The following SRGAP2 variants were observed in gnomAD, a reference collection of about 807,000 sequenced individuals.
SRGAP2 encodes SLIT-ROBO Rho GTPase-activating protein 2.
A neutral mutation model predicts 57.2 loss-of-function variants in SRGAP2; 15 were observed. The ratio of observed to expected loss-of-function variants is 0.26; its 90% CI spans 0.18 to 0.40. The LOEUF (loss-of-function observed/expected upper bound fraction) is 0.40, where lower values mean the gene tolerates loss of function less well. Ranked by LOEUF, SRGAP2 falls within the 10% of genes least tolerant of loss-of-function variation. The probability of loss-of-function intolerance (pLI) is 1.00; values close to 1 mark genes in which losing one functional copy is unlikely to be tolerated. For synonymous variants in SRGAP2, 249 were observed against 248.0 expected (o/e 1.00, Z -0.04); for missense variants, 520 against 669.6 (o/e 0.78, Z 2.47).
chr1:206,314,162 T>C (rs1672894559), intron 3 of SRGAP2, among the ~76,000 whole-genome samples: 1 of 151,328 alleles, frequency 6.6e-6, no homozygotes, highest in Admixed American at 6.6e-5. Context: ...TAGATGGAGT[T>C]TCGCTCTTGT....
chr1:206,380,731 TTGTCA>T (rs1655625397), intron 4 of SRGAP2, among the ~76,000 whole-genome samples: 1 of 100,366 alleles, frequency 1.0e-5, no homozygotes, highest in African/African-American at 4.0e-5. Context: ...ACAGTCTTCA[TTGTCA>T]TGTACTCGGC....
chr1:206,277,726 TTGGGA>T (rs1447345238), intron 2 of SRGAP2, among the ~76,000 whole-genome samples: 2 of 152,198 alleles, frequency 1.3e-5, no homozygotes, highest in Non-Finnish European at 2.9e-5. Flanking sequence ...TCCCAGCACT[TTGGGA>T]TGCTGAGGTG....
chr1:206,203,746 G>C, intron 1 of SRGAP2, 96 bp downstream of exon 1: 1 of 1,444,828 alleles, frequency 6.9e-7, no homozygotes, highest in South Asian at 1.4e-5. Flanking sequence ...GAGAGGGCGC[G>C]GATGCTGCTC....
At chr1:206,378,773 G>T (rs1315573065) in intron 4 of SRGAP2, among the ~76,000 whole-genome samples, 2 of 152,108 alleles carry the variant, frequency 1.3e-5, no homozygotes, top group Admixed American at 1.3e-4. Context: ...GCACCAATCA[G>T]CACTCTTAAG....
At chr1:206,424,823 C>T (rs1241015596) in intron 13 of SRGAP2, among the ~76,000 whole-genome samples, 1 of 152,326 alleles carries the variant, frequency 6.6e-6, no homozygotes, top group East Asian at 1.9e-4. Flanking sequence ...CAGGAGCGTT[C>T]AAAGCCTTTG....
chr1:206,302,473 G>T (rs1308671750), intron 2 of SRGAP2, among the ~76,000 whole-genome samples: 2 of 150,986 alleles, frequency 1.3e-5, no homozygotes, highest in Non-Finnish European at 3.0e-5. Flanking sequence ...AGTATTTCTA[G>T]CTATGACACT....
chr1:206,309,886 A>G (rs1316117311), intron 3 of SRGAP2, among the ~76,000 whole-genome samples: 2 of 151,190 alleles, frequency 1.3e-5, no homozygotes, highest in Non-Finnish European at 2.9e-5. Context: ...CCAGGCTTAG[A>G]CAATAAAAGT....
At chr1:206,290,736 C>T (rs1671272095) in intron 2 of SRGAP2, among the ~76,000 whole-genome samples, 1 of 147,386 alleles carries the variant, frequency 6.8e-6, no homozygotes, top group African/African-American at 2.5e-5. Flanking sequence ...TAAATATTAA[C>T]TCATAAAAAC....
At chr1:206,416,858 T>C (rs1553362168) in intron 11 of SRGAP2, among the ~76,000 whole-genome samples, 1 of 152,022 alleles carries the variant, frequency 6.6e-6, no homozygotes, top group East Asian at 1.9e-4. Context: ...CTAACATCAG[T>C]TACAGGCAAG....
At chr1:206,366,652 C>G (rs1390335214) in intron 4 of SRGAP2, among the ~76,000 whole-genome samples, 1 of 152,004 alleles carries the variant, frequency 6.6e-6, no homozygotes, top group Non-Finnish European at 1.5e-5. Flanking sequence ...GATCAAGAAG[C>G]GATTTCCTTT....
chr1:206,452,139 T>C (rs1663374746), intron 19 of SRGAP2, among the ~76,000 whole-genome samples: 1 of 152,218 alleles, frequency 6.6e-6, no homozygotes, highest in African/African-American at 2.4e-5. Context: ...CTTTTACAAA[T>C]TGTAATTCAT....
intron 2 of SRGAP2, chr1:206,207,570 GATGC>G (rs1265069976): frequency 6.0e-5 from 9 of 151,136 alleles, no homozygotes; most frequent in South Asian, 2.1e-4. Context: ...GTCCTGTCCA[GATGC>G]ATTGCATTTG....
chr1:206,420,550 T>C (rs1008367003), intron 12 of SRGAP2, among the ~76,000 whole-genome samples: 6 of 152,156 alleles, frequency 3.9e-5, no homozygotes, highest in Admixed American at 3.3e-4. Context: ...CAAGGTGTCG[T>C]AGGATTCCAA....
intron 2 of SRGAP2, among the ~76,000 whole-genome samples, chr1:206,230,667 C>A (rs1205650745): frequency 6.8e-6 from 1 of 148,096 alleles, no homozygotes; most frequent in East Asian, 2.0e-4. Context: ...CGCTCTGTCG[C>A]CCAGGCTGGA....
chr1:206,301,198 AT>A (rs1315068552), intron 2 of SRGAP2, among the ~76,000 whole-genome samples: 5 of 148,768 alleles, frequency 3.4e-5, no homozygotes, highest in Admixed American at 6.7e-5. Context: ...TGCCTGGCTA[AT>A]TTTTTTTTTG....
At chr1:206,281,933 A>T (rs1670764651) in intron 2 of SRGAP2, among the ~76,000 whole-genome samples, 1 of 152,002 alleles carries the variant, frequency 6.6e-6, no homozygotes, top group East Asian at 1.9e-4. Flanking sequence ...AACAAAAAAA[A>T]ACCTTTTCTT....
chr1:206,385,358 GCTTTA>G (rs1227083918), intron 5 of SRGAP2, among the ~76,000 whole-genome samples: 1 of 149,492 alleles, frequency 6.7e-6, no homozygotes, highest in Non-Finnish European at 1.5e-5. Flanking sequence ...TCTTTTTAAT[GCTTTA>G]CTTCTGCTCT....
At chr1:206,455,110 TGTGCTGCAC>T in intron 21 of SRGAP2, 86 bp downstream of exon 21, 1 of 773,664 alleles carries the variant, frequency 1.3e-6, no homozygotes. Flanking sequence ...TCTCCATTCC[TGTGCTGCAC>T]GTAGGGCTCC....
At chr1:206,312,472 C>T (rs1672729601) in intron 3 of SRGAP2, among the ~76,000 whole-genome samples, 2 of 151,828 alleles carry the variant, frequency 1.3e-5, no homozygotes, top group Non-Finnish European at 2.9e-5. Context: ...GCTTTGCTTC[C>T]TACTCTGCTC....
Sources: allele counts gnomAD v4.1 joint callset (sites outside exome capture counted in the v4.1 genomes callset), GRCh38; gene constraint gnomAD v4.1.1; transcripts MANE v1.5; gene names NCBI Gene and HGNC (gene_info 2026-07-23, HGNC 2026-07-21).